The following PRIM2 variants were observed in gnomAD, a reference collection of about 807,000 sequenced individuals.
PRIM2 encodes DNA primase large subunit.
A neutral mutation model predicts 67.3 loss-of-function variants in PRIM2; 39 were observed. The observed-to-expected ratio is 0.58, with a 90% confidence interval of 0.45 to 0.76. PRIM2 has a LOEUF of 0.76. Ranked by LOEUF, PRIM2 falls within the 30% of genes least tolerant of loss-of-function variation. The pLI, the probability that PRIM2 is intolerant of heterozygous loss-of-function variation, is 0.00. For missense variants in PRIM2, 398 were observed against 598.7 expected, an observed-to-expected ratio of 0.66 and a Z score of 3.50; for synonymous variants, 143 against 198.7, an observed-to-expected ratio of 0.72 and a Z score of 2.36.
chr6:57,524,345 C>A (rs1774695684), intron 8 of PRIM2, among the ~76,000 whole-genome samples: 1 of 152,158 alleles, frequency 6.6e-6, no homozygotes, highest in Non-Finnish European at 1.5e-5. Flanking sequence ...CGGAAAAGTT[C>A]CTCAGGTGTG....
the PRIM2 span, among the ~76,000 whole-genome samples, chr6:57,267,209 C>T: frequency 6.6e-6 from 1 of 152,150 alleles, no homozygotes; most frequent in African/African-American, 2.4e-5. Flanking sequence ...AAGCTTGATG[C>T]ACAAAGGTCC....
intron 13 of PRIM2, among the ~76,000 whole-genome samples, chr6:57,642,433 A>ACCTTTTTTTTTTTTTT (rs1444848326): frequency 2.8e-5 from 3 of 107,056 alleles, no homozygotes; most frequent in Admixed American, 1.1e-4. Context: ...TAAATATTAT[A>ACCTTTTTTTTTTTTTT]TCTTTTTTTT....
the PRIM2 span, among the ~76,000 whole-genome samples, chr6:57,278,163 C>T: frequency 6.6e-6 from 1 of 150,642 alleles, no homozygotes; most frequent in African/African-American, 2.5e-5. Context: ...CCTGTCTCTA[C>T]CAAAAATACA....
At chr6:57,414,247 A>T (rs1454169316) in intron 7 of PRIM2, among the ~76,000 whole-genome samples, 2 of 152,114 alleles carry the variant, frequency 1.3e-5, no homozygotes, top group African/African-American at 4.8e-5. Context: ...AGGATGCACA[A>T]ATGATACTTA....
chr6:57,346,109 TTG>T (rs1443695749), intron 5 of PRIM2, among the ~76,000 whole-genome samples: 2 of 152,184 alleles, frequency 1.3e-5, no homozygotes, highest in Non-Finnish European at 2.9e-5. Flanking sequence ...TTAGGACCTT[TTG>T]TCTTGTCATA....
intron 5 of PRIM2, among the ~76,000 whole-genome samples, chr6:57,364,698 G>GAAA (rs1769298938): frequency 6.6e-6 from 1 of 151,870 alleles, no homozygotes; most frequent in Non-Finnish European, 1.5e-5. Flanking sequence ...CGCTTGGCAG[G>GAAA]CCCTAATCCT....
At chr6:57,422,992 A>T (rs1771513412) in intron 7 of PRIM2, among the ~76,000 whole-genome samples, 1 of 152,224 alleles carries the variant, frequency 6.6e-6, no homozygotes, top group African/African-American at 2.4e-5. Flanking sequence ...GTCAGGTATT[A>T]TATTTTCAGT....
At chr6:57,610,694 A>C (rs1190498246) in intron 12 of PRIM2, among the ~76,000 whole-genome samples, 1 of 152,124 alleles carries the variant, frequency 6.6e-6, no homozygotes, top group Non-Finnish European at 1.5e-5. Flanking sequence ...CCCCAACAAC[A>C]TAGCTTCAAA....
the PRIM2 span, among the ~76,000 whole-genome samples, chr6:57,282,272 T>C: frequency 2.0e-5 from 3 of 152,236 alleles, no homozygotes; most frequent in Non-Finnish European, 4.4e-5. Context: ...TCATAGCACC[T>C]TACTATCCGA....
chr6:57,290,572 G>A, the PRIM2 span, among the ~76,000 whole-genome samples: 10 of 152,070 alleles, frequency 6.6e-5, no homozygotes, highest in South Asian at 1.0e-3. Flanking sequence ...GCACCACGTC[G>A]CACTTATTCT....
chr6:57,308,053 A>AAAT, the PRIM2 span, among the ~76,000 whole-genome samples: 2 of 152,160 alleles, frequency 1.3e-5, no homozygotes, highest in East Asian at 3.8e-4. Context: ...TAATTGTAGT[A>AAAT]GTTCATTCAT....
chr6:57,222,065 TC>T, the PRIM2 span: 1 of 152,392 alleles, frequency 6.6e-6, no homozygotes, highest in Non-Finnish European at 1.5e-5. Flanking sequence ...CGCCACCGGC[TC>T]CTCCTGGTCG....
At chr6:57,422,216 G>T (rs1771490714) in intron 7 of PRIM2, among the ~76,000 whole-genome samples, 1 of 136,170 alleles carries the variant, frequency 7.3e-6, no homozygotes, top group Non-Finnish European at 1.5e-5. Flanking sequence ...ATGCAATGGT[G>T]TGATCTCGGC....
chr6:57,276,821 C>T, the PRIM2 span, among the ~76,000 whole-genome samples: 2 of 150,466 alleles, frequency 1.3e-5, no homozygotes, highest in Non-Finnish European at 3.0e-5. Context: ...CCCAGGAGGT[C>T]GAGGCTGCCA....
intron 8 of PRIM2, among the ~76,000 whole-genome samples, chr6:57,515,988 C>T (rs1466263533): frequency 6.7e-4 from 101 of 151,662 alleles, no homozygotes; most frequent in African/African-American, 2.4e-3. Flanking sequence ...GTCTTTCCTC[C>T]TAGAGGCTGC....
chr6:57,456,030 C>T (rs1443941875), intron 7 of PRIM2, among the ~76,000 whole-genome samples: 2 of 152,162 alleles, frequency 1.3e-5, no homozygotes, highest in East Asian at 3.9e-4. Flanking sequence ...GATTTTATTT[C>T]TCCTTCACTT....
the PRIM2 span, among the ~76,000 whole-genome samples, chr6:57,279,808 G>A: frequency 1.8e-4 from 28 of 152,302 alleles, no homozygotes; most frequent in East Asian, 5.2e-3. Flanking sequence ...AGCAGCCAAA[G>A]TATGGTACTA....
At chr6:57,490,947 A>T (rs1489588980) in intron 7 of PRIM2, among the ~76,000 whole-genome samples, 1 of 152,172 alleles carries the variant, frequency 6.6e-6, no homozygotes, top group Non-Finnish European at 1.5e-5. Flanking sequence ...ACATGGAGGG[A>T]GAGAGATAAT....
the PRIM2 span, among the ~76,000 whole-genome samples, chr6:57,250,848 G>A: frequency 1.3e-5 from 2 of 152,048 alleles, no homozygotes; most frequent in African/African-American, 2.4e-5. Flanking sequence ...AATCCTAAAT[G>A]CTCCAAAATT....
Sources: allele counts gnomAD v4.1 joint callset (sites outside exome capture counted in the v4.1 genomes callset), GRCh38; gene constraint gnomAD v4.1.1; transcripts MANE v1.5; gene names NCBI Gene and HGNC (gene_info 2026-07-23, HGNC 2026-07-21).